The following RBBP6 variants were observed in gnomAD, a reference collection of about 807,000 sequenced individuals.
RBBP6 encodes E3 ubiquitin-protein ligase RBBP6.
RBBP6 carries 25 observed loss-of-function variants against 167.7 expected under a neutral mutation model. The ratio of observed to expected loss-of-function variants is 0.15; its 90% CI spans 0.11 to 0.21. RBBP6 has a LOEUF of 0.21. Ranked by LOEUF, RBBP6 falls within the 10% of genes least tolerant of loss-of-function variation. The pLI, the probability that RBBP6 is intolerant of heterozygous loss-of-function variation, is 1.00. For synonymous variants in RBBP6, 789 were observed against 735.8 expected (o/e 1.07, Z -1.17); for missense variants, 1,868 against 2,134.2 (o/e 0.88, Z 2.46).
intron 8 of RBBP6, 81 bp from the exon 9 acceptor site, chr16:24,561,531 G>A: frequency 8.4e-7 from 1 of 1,191,584 alleles, no homozygotes; most frequent in South Asian, 1.3e-5. Context: ...CTGAACAAAT[G>A]TGGACCATCC....
At chr16:24,562,995 A>AG (rs11375359) in intron 10 of RBBP6, among the ~76,000 whole-genome samples, 24,083 of 152,082 alleles carry the variant, frequency 0.16, 1,981 homozygotes, top group South Asian at 0.21. Flanking sequence ...CTTCTTAAGG[A>AG]GGTCCTTCAT....
In RBBP6 at chr16:24,563,207, A is replaced by C; in HGVS notation, c.1298A>C (p.Asp433Ala). 6 of 1,604,896 alleles carry C rather than the reference A, an allele frequency of 3.7e-6. No individual in the cohort carries two copies. Among genetic ancestry groups the C allele is most frequent in the Non-Finnish European group, 5.1e-6 (6 of 1,175,042 alleles). The change falls in exon 11 of 18, where the codon GAT becomes GCT. Residue 433 changes from aspartate to alanine, a missense_variant. Physicochemically the swap from Asp to Ala is moderately radical, Grantham distance 126. Transcript: ENST00000319715. ...EKSDGPFRDSDNKILPAAALA... is the reference protein window; with the variant it reads ...EKSDGPFRDSANKILPAAALA... ...ATTTATGTTTTTTAAAGGGATTCTG[A>C]TAATAAAATATTGCCAGCTGCAGCT...
chr16:24,555,529 C>G (rs1263455762), intron 4 of RBBP6, 86 bp from the exon 5 acceptor site: 1 of 1,024,090 alleles, frequency 9.8e-7, no homozygotes, highest in African/African-American at 1.6e-5. Context: ...AGATACTGCT[C>G]TTTACAGGAT....
Position 24,569,685 on chromosome 16 carries a change from A to G in RBBP6, c.2995A>G (p.Lys999Glu). 1.2e-6 allele frequency: 2 copies of G among 1,613,940 alleles called. No homozygotes were observed. The highest frequency in any genetic ancestry group is 8.5e-7 in the Non-Finnish European group (1 of 1,179,994). The stretch of plus-strand genomic sequence containing the variant: ...AATGGATGCAGAATCAATCACTTTT[A>G]AATCAGTGTCTGAAAAAGACAAGAG... ...EPMDAESITF[K>E]SVSEKDKRER... The change falls in exon 17 of 18, where the codon AAA (lysine) becomes GAA (glutamate). Residue 999 changes from lysine to glutamate, a missense_variant. Coordinates refer to ENST00000319715, the MANE Select transcript of RBBP6 (RefSeq NM_006910.5).
At chr16:24,549,473 C>T in intron 3 of RBBP6, 1 of 721,714 alleles carries the variant, frequency 1.4e-6, no homozygotes, top group Non-Finnish European at 1.7e-6. Context: ...TTATGGCTTC[C>T]AAAAACGCAT....
intron 4 of RBBP6, chr16:24,554,241 T>G (rs1255383246): frequency 2.0e-5 from 3 of 151,950 alleles, no homozygotes; most frequent in Non-Finnish European, 4.4e-5. Context: ...ATCTTCTGTT[T>G]GGGAAAGCAC....
At chr16:24,552,794 T>C (rs1898828444) in intron 3 of RBBP6, among the ~76,000 whole-genome samples, 1 of 150,680 alleles carries the variant, frequency 6.6e-6, no homozygotes, top group South Asian at 2.1e-4. Flanking sequence ...TTAAAATACC[T>C]TTTTTAAAGC....
chr16:24,568,040 A>G (rs1299355316), intron 16 of RBBP6, 147 bp downstream of exon 16: 5 of 675,050 alleles, frequency 7.4e-6, no homozygotes, highest in Non-Finnish European at 1.3e-5. Context: ...TTATTTCCCA[A>G]TATCTGTTCA....
Position 24,568,851 on chromosome 16 carries a change from C to A in RBBP6, c.2161C>A (p.Arg721Ser). The A allele has an allele frequency of 6.2e-7, 1 of 1,614,166 alleles. No individual in the cohort carries two copies. The highest frequency in any genetic ancestry group is 8.5e-7 in the Non-Finnish European group (1 of 1,180,014). The part of the protein sequence containing the change: ...RSRSYSRSFS[R>S]SHSRSYSRSP... ...ACGCTCTTATTCTCGATCATTCAGC[C>A]GCTCACATTCTCGTTCCTATTCACG... is the stretch of plus-strand genomic sequence containing the variant. Residue 721 changes from arginine (R) to serine (S), a missense_variant, in exon 17 of 18, where the codon CGC becomes AGC. By Grantham distance (110) the Arg-to-Ser change is moderately radical. Coordinates refer to ENST00000319715, the MANE Select transcript of RBBP6 (RefSeq NM_006910.5).
intron 13 of RBBP6, among the ~76,000 whole-genome samples, chr16:24,564,530 A>G (rs1046994806): frequency 4.6e-5 from 7 of 152,228 alleles, no homozygotes; most frequent in African/African-American, 1.7e-4. Flanking sequence ...AGTAATTTAT[A>G]GAGTGCTAAT....
intron 10 of RBBP6, 82 bp from the exon 11 acceptor site, chr16:24,563,116 TG>T: frequency 9.5e-7 from 1 of 1,047,408 alleles, no homozygotes; most frequent in Non-Finnish European, 1.4e-6. Flanking sequence ...CTGCAGGTGA[TG>T]GGTAAACAGC....
At chr16:24,542,815 C>T (rs576435661) in intron 1 of RBBP6, among the ~76,000 whole-genome samples, 13 of 152,252 alleles carry the variant, frequency 8.5e-5, no homozygotes, top group African/African-American at 3.1e-4. Flanking sequence ...AGTTTTGTGA[C>T]TTTGTGTAAC....
At chr16:24,543,947 A>G (rs1898567915) in intron 1 of RBBP6, among the ~76,000 whole-genome samples, 1 of 152,168 alleles carries the variant, frequency 6.6e-6, no homozygotes, top group Non-Finnish European at 1.5e-5. Context: ...TTTGAAGCCA[A>G]CAGACTACTT....
At position 24,567,863 on chromosome 16, in the gene RBBP6, T is replaced by C; in HGVS notation, c.2024T>C (p.Ile675Thr). The change falls in exon 16 of 18, where the codon ATT (isoleucine) becomes ACT (threonine). Residue 675 changes from isoleucine (I) to threonine (T), a missense_variant. Around this residue, in one of 7 missense-constraint regions of RBBP6, gnomAD observed 145 missense variants for 224.3 expected, o/e 0.65. Transcript: ENST00000319715. The part of the protein sequence containing the change: ...FAKELMEYKK[I>T]QKERRRSFSR... ...AAGGAATTGATGGAATACAAAAAGATTCAAAAGGAGCGTAGGCGCTCATTT... is the reference window on the plus strand; with the variant it reads ...AAGGAATTGATGGAATACAAAAAGACTCAAAAGGAGCGTAGGCGCTCATTT... The C allele has an allele frequency of 1.2e-6, 2 of 1,613,732 alleles. No individual in the cohort carries two copies. Among genetic ancestry groups the C allele is most frequent in the Non-Finnish European group, 1.7e-6 (2 of 1,179,732 alleles).
chr16:24,548,144 A>AAT lies in RBBP6; in HGVS notation c.267-800_267-799dup, dbSNP rs1184835099. On this transcript the variant is annotated intron_variant, in intron 2 of 17. Coordinates refer to ENST00000319715, the MANE Select transcript of RBBP6 (RefSeq NM_006910.5). The stretch of plus-strand genomic sequence containing the variant: ...TAAACTTTAAGCATTAAAAGGCTAT[A>AAT]ATCTAGCAACTCAACTTCTTCCCCT... Among the ~76,000 whole-genome samples the AAT allele has an allele frequency of 2.0e-4, 30 of 152,304 alleles. No individual in the cohort carries two copies. In the South Asian group the frequency reaches 5.6e-3, roughly 28 times the overall value.
In RBBP6 at chr16:24,550,014, C is replaced by T. The variant is rs1374911132; in HGVS notation, c.303+1033C>T. On this transcript the variant is annotated intron_variant, in intron 3 of 17. Coordinates refer to ENST00000319715, the MANE Select transcript of RBBP6 (RefSeq NM_006910.5). ...CATCTGTTTCATAACACAGGTCTAT[C>T]ATAATTGGGTTCTGTAAATGTAATG... Among the ~76,000 whole-genome samples, 4 of 152,072 alleles carry T rather than the reference C, an allele frequency of 2.6e-5. No homozygotes were observed. In the East Asian group the frequency reaches 7.7e-4, roughly 29 times the overall value.
intron 13 of RBBP6, 56 bp from the exon 14 acceptor site, chr16:24,564,741 T>G (rs1278623732): frequency 6.3e-7 from 1 of 1,578,238 alleles, no homozygotes; most frequent in Non-Finnish European, 8.6e-7. Context: ...CATGGAAAGG[T>G]CATGTATTAT....
intron 7 of RBBP6, chr16:24,558,383 T>C: frequency 1.4e-6 from 1 of 719,724 alleles, no homozygotes; most frequent in Non-Finnish European, 1.7e-6. Context: ...CCTCTTTTTT[T>C]CTTTTTTTTT....
chr16:24,563,844 T>C (rs891056392), intron 13 of RBBP6, among the ~76,000 whole-genome samples, 180 bp downstream of exon 13: 1 of 151,792 alleles, frequency 6.6e-6, no homozygotes, highest in African/African-American at 2.4e-5. Context: ...TTCAAGCTTA[T>C]ATGAGGGTTT....
Sources: allele counts gnomAD v4.1 joint callset (sites outside exome capture counted in the v4.1 genomes callset), GRCh38; gene constraint gnomAD v4.1.1; regional missense constraint gnomAD v4.1.1; transcripts MANE v1.5; gene names NCBI Gene and HGNC (gene_info 2026-07-23, HGNC 2026-07-21).